SLC44A5: variants seen among roughly 807,000 people sequenced by gnomAD.
SLC44A5 encodes choline transporter-like protein 5.
In SLC44A5, 57 loss-of-function variants were observed where a neutral mutation model predicts 101.8. That is an observed-to-expected ratio of 0.56 (90% CI 0.45 to 0.70). The LOEUF is 0.70. Ranked by LOEUF, SLC44A5 falls within the 30% of genes least tolerant of loss-of-function variation. SLC44A5 has a pLI of 0.00. For missense variants in SLC44A5, 737 were observed against 853.1 expected (o/e 0.86, Z 1.70); for synonymous variants, 281 against 290.9 (o/e 0.97, Z 0.35).
Position 75,446,256 on chromosome 1 carries a change from G to A in SLC44A5, c.14-49635C>T, listed in dbSNP as rs541282039. On this transcript the variant is annotated intron_variant, in intron 2 of 23. Transcript: ENST00000370859. ...GTCCAGTCTTCACTGTGATCTACCC[G>A]GCCCTACATGATCTGGCCTTGGCTG... 1.9e-4 allele frequency among the ~76,000 whole-genome samples: 29 copies of A among 152,002 alleles called. No individual in the cohort carries two copies. The South Asian group carries it at 3.5e-3, about 19-fold the overall frequency.
intron 21 of SLC44A5, 44 bp from the exon 22 acceptor site, chr1:75,213,837 G>C (rs757919213): frequency 1.9e-6 from 3 of 1,552,408 alleles, no homozygotes; most frequent in East Asian, 2.2e-5. Flanking sequence ...TTTTGCAAAA[G>C]AATATAGTTT....
chr1:75,242,211 A>T, intron 8 of SLC44A5, 150 bp from the exon 9 acceptor site: 1 of 590,398 alleles, frequency 1.7e-6, no homozygotes, highest in Non-Finnish European at 3.0e-6. Flanking sequence ...TAAGATTATC[A>T]CACACACAAT....
chr1:75,553,057 GTTGTCTTTTCTAACAAACTTCACA>G (rs1672028016), intron 1 of SLC44A5, among the ~76,000 whole-genome samples: 1 of 152,072 alleles, frequency 6.6e-6, no homozygotes, highest in Non-Finnish European at 1.5e-5. Context: ...AAAAAGTTGT[GTTGTCTTTTCTAACAAACTTCACA>G]TTTTCCAAAA....
At chr1:75,680,937 C>A in the SLC44A5 span, among the ~76,000 whole-genome samples, 2 of 150,000 alleles carry the variant, frequency 1.3e-5, no homozygotes, top group Non-Finnish European at 1.5e-5. Flanking sequence ...GATATCACCA[C>A]CGAACCCACA....
At chr1:75,371,343 T>C (rs1173475905) in intron 3 of SLC44A5, among the ~76,000 whole-genome samples, 25 of 152,226 alleles carry the variant, frequency 1.6e-4, no homozygotes, top group Admixed American at 1.5e-3. Context: ...ATCTATAAAA[T>C]AGGAGAAATA....
chr1:75,397,805 T>C (rs1166009119), intron 2 of SLC44A5, among the ~76,000 whole-genome samples: 6 of 152,154 alleles, frequency 3.9e-5, no homozygotes, highest in Non-Finnish European at 8.8e-5. Context: ...TTGTAATCAA[T>C]ATAACTACTA....
intron 5 of SLC44A5, among the ~76,000 whole-genome samples, chr1:75,291,821 C>A (rs1017322630): frequency 1.3e-5 from 2 of 151,952 alleles, no homozygotes; most frequent in African/African-American, 4.8e-5. Flanking sequence ...ACCATCCTGG[C>A]TAACATGGTG....
chr1:75,495,673 C>T (rs939386537), intron 2 of SLC44A5, among the ~76,000 whole-genome samples: 5 of 151,382 alleles, frequency 3.3e-5, no homozygotes, highest in African/African-American at 1.2e-4. Context: ...AGACAAGTAT[C>T]GGAAATCCTT....
At chr1:75,493,386 T>C (rs1387835349) in intron 2 of SLC44A5, among the ~76,000 whole-genome samples, 2 of 152,218 alleles carry the variant, frequency 1.3e-5, no homozygotes, top group Admixed American at 6.5e-5. Context: ...TACCAGTGAA[T>C]ACATGTGTAT....
intron 6 of SLC44A5, among the ~76,000 whole-genome samples, chr1:75,258,396 T>TACAAAGTCGCTGGGA (rs1553150415): frequency 6.6e-6 from 1 of 151,150 alleles, no homozygotes; most frequent in African/African-American, 2.4e-5. Context: ...TAGGTGGTTT[T>TACAAAGTCGCTGGGA]ACAAAGTCGT....
chr1:75,477,304 A>G (rs1482579157), intron 2 of SLC44A5, among the ~76,000 whole-genome samples: 2 of 152,158 alleles, frequency 1.3e-5, no homozygotes, highest in Non-Finnish European at 2.9e-5. Flanking sequence ...AAGACGGGGG[A>G]AAAAACAGAG....
the SLC44A5 span, among the ~76,000 whole-genome samples, chr1:75,709,788 C>T: frequency 1.3e-5 from 2 of 152,088 alleles, no homozygotes; most frequent in Non-Finnish European, 2.9e-5. Context: ...GTTGATTCCA[C>T]TGTTTGTTTT....
intron 13 of SLC44A5, among the ~76,000 whole-genome samples, chr1:75,225,686 T>A (rs1350582926): frequency 6.6e-6 from 1 of 152,234 alleles, no homozygotes; most frequent in East Asian, 1.9e-4. Flanking sequence ...TAATTTCACA[T>A]ATATGCTTTT....
At chr1:75,230,960 C>A (rs1647504912) in intron 12 of SLC44A5, among the ~76,000 whole-genome samples, 1 of 152,144 alleles carries the variant, frequency 6.6e-6, no homozygotes, top group Non-Finnish European at 1.5e-5. Flanking sequence ...TTCTTGGAGA[C>A]CTCAATCTCA....
At chr1:75,477,920 C>T (rs1667537874) in intron 2 of SLC44A5, among the ~76,000 whole-genome samples, 1 of 151,866 alleles carries the variant, frequency 6.6e-6, no homozygotes, top group African/African-American at 2.4e-5. Flanking sequence ...AGATACTCCT[C>T]GAGAACAGCA....
Position 75,237,180 on chromosome 1 carries a change from A to G in SLC44A5, c.657-110T>C, listed in dbSNP as rs1648167241. The G allele has an allele frequency of 6.5e-6, 4 of 618,332 alleles. No homozygotes were observed. In the Admixed American group the frequency reaches 7.3e-5, roughly 11 times the overall value. 38.3% of individuals were successfully genotyped at this position (618,332 alleles called of 1,614,324 possible). ...AAGGTGCTGTTGAAAGCATGTTTTC[A>G]GAAACCATCTATCAGTAGTGACTGT... On this transcript the variant is annotated intron_variant, in intron 10 of 23. Transcript: ENST00000370859.
intron 3 of SLC44A5, chr1:75,353,993 G>T: frequency 2.8e-6 from 1 of 355,944 alleles, no homozygotes; most frequent in Non-Finnish European, 5.5e-6. Flanking sequence ...TTCACTTGAA[G>T]GCCTGCAAAT....
chr1:75,267,883 G>A lies in SLC44A5; in HGVS notation c.260+7075C>T, dbSNP rs141306598. On this transcript the variant is annotated intron_variant, in intron 6 of 23. Transcript: ENST00000370859. Reference sequence around the variant, plus strand: ...ACCCTAGCTGGCCTAATTTTTAAATGAAAAAAAGCTTAATATTTTTCTGCA... The same window carrying A: ...ACCCTAGCTGGCCTAATTTTTAAATAAAAAAAAGCTTAATATTTTTCTGCA... 4.6e-5 allele frequency among the ~76,000 whole-genome samples: 7 copies of A among 151,948 alleles called. No homozygotes were observed. The East Asian group carries it at 1.4e-3, about 29-fold the overall frequency.
chr1:75,482,472 C>T (rs995220931), intron 2 of SLC44A5, among the ~76,000 whole-genome samples: 5 of 151,854 alleles, frequency 3.3e-5, no homozygotes, highest in African/African-American at 1.2e-4. Flanking sequence ...AACCAAAATA[C>T]TGAATACACA....
Sources: gnomAD v4.1 joint callset for allele counts (sites outside exome capture counted in the v4.1 genomes callset) on GRCh38, gnomAD v4.1.1 for gene constraint, MANE v1.5 for transcripts, NCBI Gene and HGNC (gene_info 2026-07-23, HGNC 2026-07-21) for gene names.